The following DNAH12 variants were observed in gnomAD, a reference collection of about 807,000 sequenced individuals.
The protein encoded by DNAH12 is axonemal beta dynein heavy chain 12.
In DNAH12, 285 loss-of-function variants were observed where a neutral mutation model predicts 371.5. The observed-to-expected ratio is 0.77, with a 90% confidence interval of 0.70 to 0.85. The LOEUF is 0.85. Among genes scored for constraint, DNAH12 ranks in the 40% least tolerant of loss-of-function variants. The pLI is 0.00. For synonymous variants in DNAH12, 1,200 were observed against 1,213.0 expected (o/e 0.99, Z 0.22); for missense variants, 3,611 against 3,689.4 (o/e 0.98, Z 0.55).
chr3:57,361,490 G>T (rs906377868), intron 58 of DNAH12, among the ~76,000 whole-genome samples: 33 of 128,096 alleles, frequency 2.6e-4, no homozygotes, highest in African/African-American at 1.2e-3. Context: ...GCTCTGTTAG[G>T]TGAATTTGCA....
At chr3:57,381,964 T>C (rs1239545321) in intron 50 of DNAH12, among the ~76,000 whole-genome samples, 1 of 151,772 alleles carries the variant, frequency 6.6e-6, no homozygotes, top group Non-Finnish European at 1.5e-5. Flanking sequence ...GCCTCCTGGG[T>C]TCAAGCAATT....
rs900768020 is a variant in DNAH12 at position 57,436,962 on chromosome 3, A to C, written c.4644T>G (p.Ile1548Met). Reference protein sequence around the residue: ...EKIIQTYEMMIVRHGFMLVGE... With the variant: ...EKIIQTYEMMMVRHGFMLVGE... ...ATATATAATCTTACCCATGTCTAAC[A>C]ATCATCATTTCATATGTTTGAATTA... Residue 1548 changes from isoleucine to methionine, a missense_variant, in exon 30 of 74, where the codon ATT becomes ATG. Coordinates refer to ENST00000495027, the MANE Select transcript of DNAH12 (RefSeq NM_001366028.2). 34 of 1,476,322 alleles carry C rather than the reference A, an allele frequency of 2.3e-5. No homozygotes were observed. The highest frequency in any genetic ancestry group is 3.1e-5 in the Non-Finnish European group (34 of 1,109,058). 91.5% of individuals were successfully genotyped at this position (1,476,322 alleles called of 1,614,324 possible). A position where few individuals can be genotyped will look rare whatever the true frequency, so the allele number is the denominator to read the frequency against.
rs1185423685 is a variant in DNAH12 at position 57,520,871 on chromosome 3, T to A, written c.279+2712A>T. Reference sequence around the variant, plus strand: ...TTTCTCCCAGTGTGTAGCTTGTTTTTTCATCCTCTTAACAGGGTCTTTCAC... The same window carrying A: ...TTTCTCCCAGTGTGTAGCTTGTTTTATCATCCTCTTAACAGGGTCTTTCAC... On this transcript the variant is annotated intron_variant, in intron 4 of 73. Coordinates refer to ENST00000495027, the MANE Select transcript of DNAH12 (RefSeq NM_001366028.2). 2.0e-5 allele frequency among the ~76,000 whole-genome samples: 3 copies of A among 152,068 alleles called. No homozygotes were observed. The East Asian group carries it at 5.8e-4, about 29-fold the overall frequency.
intron 57 of DNAH12, among the ~76,000 whole-genome samples, chr3:57,365,736 T>C (rs1025781936): frequency 6.6e-6 from 1 of 152,130 alleles, no homozygotes; most frequent in African/African-American, 2.4e-5. Flanking sequence ...TTATTCTTTT[T>C]ATATATGTAG....
At chr3:57,471,164 C>T (rs1365449627) in intron 15 of DNAH12, among the ~76,000 whole-genome samples, 1 of 151,642 alleles carries the variant, frequency 6.6e-6, no homozygotes, top group Non-Finnish European at 1.5e-5. Flanking sequence ...CCAGCCTGGG[C>T]AACATGGCAA....
Position 57,305,466 on chromosome 3 carries a change from C to T in DNAH12, c.11190-3527G>A, listed in dbSNP as rs562531930. 1.6e-3 allele frequency among the ~76,000 whole-genome samples: 247 copies of T among 152,240 alleles called. 3 individuals carry two copies. The highest frequency in any genetic ancestry group is 3.7e-3 in the South Asian group (18 of 4,814). On this transcript the variant is annotated intron_variant, in intron 69 of 73. Transcript: ENST00000495027. ...CGGTCCAGCTTACAGTTTCATTCCG[C>T]GACTAGCCCTCCCCCTCCTGCCCAG...
chr3:57,528,027 T>TA (rs1221966826), intron 2 of DNAH12, among the ~76,000 whole-genome samples: 14 of 151,632 alleles, frequency 9.2e-5, no homozygotes, highest in Admixed American at 2.6e-4. Context: ...AGTCTTTTTT[T>TA]AATCTATTTA....
intron 60 of DNAH12, 140 bp downstream of exon 60, chr3:57,351,945 T>C: frequency 1.2e-6 from 1 of 836,618 alleles, no homozygotes; most frequent in Non-Finnish European, 1.7e-6. Context: ...TAGAAGCCAT[T>C]GTTATCAGTG....
intron 39 of DNAH12, 145 bp from the exon 40 acceptor site, chr3:57,408,680 T>C (rs1559625858): frequency 9.4e-7 from 1 of 1,062,102 alleles, no homozygotes; most frequent in Non-Finnish European, 1.2e-6. Flanking sequence ...AGGAGAGAAA[T>C]TTTTTTTAAA....
At chr3:57,503,052 CATAAA>C (rs2067614760) in intron 9 of DNAH12, among the ~76,000 whole-genome samples, 1 of 152,178 alleles carries the variant, frequency 6.6e-6, no homozygotes, top group East Asian at 1.9e-4. Context: ...AATAACTTGA[CATAAA>C]ATAATAATTT....
intron 58 of DNAH12, among the ~76,000 whole-genome samples, chr3:57,359,577 A>AAAAG (rs1368473724): frequency 2.0e-3 from 290 of 145,034 alleles, no homozygotes; most frequent in African/African-American, 5.9e-3. Context: ...AAAAAAAAAA[A>AAAAG]AAAGAAAGAA....
chr3:57,533,437 G>A (rs2068917605), intron 2 of DNAH12, among the ~76,000 whole-genome samples: 1 of 152,052 alleles, frequency 6.6e-6, no homozygotes, highest in African/African-American at 2.4e-5. Flanking sequence ...GGCTGTGAAT[G>A]TGCTTGGCCT....
intron 17 of DNAH12, 32 bp downstream of exon 17, chr3:57,468,704 T>A: frequency 8.0e-7 from 1 of 1,248,508 alleles, no homozygotes; most frequent in Non-Finnish European, 1.0e-6. Context: ...AAGATAGCTA[T>A]AATATTAAAA....
At chr3:57,349,125 C>T (rs977724983) in intron 60 of DNAH12, among the ~76,000 whole-genome samples, 1 of 151,858 alleles carries the variant, frequency 6.6e-6, no homozygotes, top group African/African-American at 2.4e-5. Context: ...CTCAAATTAG[C>T]AAGAAAAAAA....
chr3:57,301,716 ACAC>A lies in DNAH12; in HGVS notation c.11394+16_11394+18del. On this transcript the variant is annotated intron_variant, in intron 70 of 73. Coordinates refer to ENST00000495027, the MANE Select transcript of DNAH12 (RefSeq NM_001366028.2). ...CACACACACACACACACACACACAC[ACAC>A]ACACACACATTTTACCTGTAAAAAG... The A allele has an allele frequency of 7.3e-7, 1 of 1,378,724 alleles. No individual in the cohort carries two copies. The highest frequency in any genetic ancestry group is 1.4e-5 in the African/African-American group (1 of 70,062). The allele number at this position is 1,378,724 out of a possible 1,614,324, so 85.4% of individuals were successfully genotyped here. A position where few individuals can be genotyped will look rare whatever the true frequency, so the allele number is the denominator to read the frequency against.
chr3:57,310,760 G>A lies in DNAH12; in HGVS notation c.10853C>T (p.Ala3618Val), dbSNP rs1428289541. Residue 3618 changes from alanine to valine, a missense_variant, in exon 67 of 74, where the codon GCA becomes GTA. By Grantham distance (64) the Ala-to-Val change is moderately conservative. Coordinates refer to ENST00000495027, the MANE Select transcript of DNAH12 (RefSeq NM_001366028.2). ...GTCCTCATAAGTGCCTTTAGGAGGTGCAAAATAGTTTCCACTGGGAGAAAA... is the reference window on the plus strand; with the variant it reads ...GTCCTCATAAGTGCCTTTAGGAGGTACAAAATAGTTTCCACTGGGAGAAAA... ...YKFSPSGNYF[A>V]PPKGTYEDYI... The A allele has an allele frequency of 1.3e-6, 2 of 1,551,476 alleles. No individual in the cohort carries two copies. The highest frequency in any genetic ancestry group is 1.7e-6 in the Non-Finnish European group (2 of 1,146,946).
intron 45 of DNAH12, among the ~76,000 whole-genome samples, chr3:57,388,542 G>A (rs1336490948): frequency 1.8e-5 from 2 of 112,430 alleles, no homozygotes; most frequent in African/African-American, 7.0e-5. Context: ...TGATCCAATT[G>A]TACCAATATA....
At chr3:57,543,277 C>T (rs956018334) in intron 1 of DNAH12, among the ~76,000 whole-genome samples, 2 of 150,692 alleles carry the variant, frequency 1.3e-5, no homozygotes, top group African/African-American at 2.5e-5. Flanking sequence ...AGGGATGATC[C>T]CCTTCCCAGT....
chr3:57,535,635 C>T (rs1005723951), intron 2 of DNAH12, among the ~76,000 whole-genome samples: 25 of 152,260 alleles, frequency 1.6e-4, no homozygotes, highest in African/African-American at 4.6e-4. Context: ...CTCCGCCTCC[C>T]GGGTTCAAGT....
Sources: gnomAD v4.1 joint callset for allele counts (sites outside exome capture counted in the v4.1 genomes callset) on GRCh38, gnomAD v4.1.1 for gene constraint, MANE v1.5 for transcripts, NCBI Gene and HGNC (gene_info 2026-07-23, HGNC 2026-07-21) for gene names.